The following STON2 variants were observed in gnomAD, a reference collection of about 807,000 sequenced individuals.
The protein encoded by STON2 is stonin-2.
STON2 carries 29 observed loss-of-function variants against 65.7 expected under a neutral mutation model. The observed-to-expected ratio is 0.44, with a 90% confidence interval of 0.33 to 0.60. The LOEUF (loss-of-function observed/expected upper bound fraction) is 0.60, where lower values mean the gene tolerates loss of function less well. STON2 is among the 20% of genes least tolerant of loss of function. The pLI, the probability that STON2 is intolerant of heterozygous loss-of-function variation, is 0.03. For missense variants in STON2, 1,054 were observed against 1,118.1 expected (o/e 0.94, Z 0.82); for synonymous variants, 404 against 414.2 (o/e 0.98, Z 0.30).
intron 2 of STON2, chr14:81,413,123 C>A: frequency 7.9e-7 from 1 of 1,260,212 alleles, no homozygotes; most frequent in Non-Finnish European, 1.1e-6. Flanking sequence ...GAAGTACAAT[C>A]CCACCTGACA....
At chr14:81,363,352 T>C (rs1051009980) in intron 4 of STON2, among the ~76,000 whole-genome samples, 11 of 152,198 alleles carry the variant, frequency 7.2e-5, no homozygotes, top group Non-Finnish European at 1.3e-4. Flanking sequence ...CAAAAAAAGC[T>C]GTTTGCAGAT....
intron 3 of STON2, among the ~76,000 whole-genome samples, chr14:81,377,306 T>C (rs1373105424): frequency 6.6e-6 from 1 of 152,240 alleles, no homozygotes; most frequent in African/African-American, 2.4e-5. Context: ...CTCAGCATAA[T>C]GCCTTTGAGC....
chr14:81,297,769 T>A (rs1895816730), intron 5 of STON2, among the ~76,000 whole-genome samples: 1 of 152,248 alleles, frequency 6.6e-6, no homozygotes, highest in Admixed American at 6.5e-5. Context: ...CTGGGCACAG[T>A]GGCTCACGCC....
intron 5 of STON2, among the ~76,000 whole-genome samples, chr14:81,298,810 G>C (rs1010826071): frequency 6.6e-6 from 1 of 152,148 alleles, no homozygotes; most frequent in African/African-American, 2.4e-5. Flanking sequence ...CCATATCCAA[G>C]CAAGGTGAGT....
chr14:81,360,276 T>C (rs1219057461), intron 4 of STON2, among the ~76,000 whole-genome samples: 1 of 152,104 alleles, frequency 6.6e-6, no homozygotes, highest in Non-Finnish European at 1.5e-5. Flanking sequence ...GCCAAAATCC[T>C]CAACAAAATA....
At chr14:81,435,544 CGGG>C (rs1902383488) in intron 1 of STON2, among the ~76,000 whole-genome samples, 2 of 152,098 alleles carry the variant, frequency 1.3e-5, no homozygotes, top group South Asian at 4.1e-4. Context: ...AAGGGGGAAA[CGGG>C]GAGCGTCGGG....
intron 3 of STON2, among the ~76,000 whole-genome samples, chr14:81,377,830 AT>A (rs1899324089): frequency 6.6e-6 from 1 of 151,072 alleles, no homozygotes; most frequent in Non-Finnish European, 1.5e-5. Flanking sequence ...ACATATGTTT[AT>A]TTCTTTAGCT....
At chr14:81,323,629 G>A (rs1896898852) in intron 5 of STON2, 1 of 152,060 alleles carries the variant, frequency 6.6e-6, no homozygotes, top group African/African-American at 2.4e-5. Context: ...AAGCTATCTT[G>A]ACACTTAAGC....
chr14:81,278,163 T>A lies in STON2; in HGVS notation c.1319A>T (p.Glu440Val). 1 of 1,614,202 alleles carries A rather than the reference T, an allele frequency of 6.2e-7. No individual in the cohort carries two copies. The highest frequency in any genetic ancestry group is 1.1e-5 in the South Asian group (1 of 91,082). ...SKTQSHSDAV[E>V]KLKQLQIDDP... ...ATCAATTTGGAGTTGTTTGAGTTTT[T>A]CAACAGCATCAGAGTGTGACTGGGT... Residue 440 changes from glutamate (E) to valine (V), a missense_variant, in exon 6 of 8, where the codon GAA becomes GTA. Transcript: ENST00000614646.
chr14:81,342,134 A>G lies in STON2; in HGVS notation c.572-17947T>C, dbSNP rs76944869. ...GTTCATAACAACGCAGAAAGCCATAATGGAGTTTTTTTGTTTTTTTTTTGA... is the reference window on the plus strand; with the variant it reads ...GTTCATAACAACGCAGAAAGCCATAGTGGAGTTTTTTTGTTTTTTTTTTGA... On this transcript the variant is annotated intron_variant, in intron 4 of 7. Coordinates refer to ENST00000614646, the MANE Select transcript of STON2 (RefSeq NM_001394390.1). Among the ~76,000 whole-genome samples, 5 of 152,004 alleles carry G rather than the reference A, an allele frequency of 3.3e-5. No individual in the cohort carries two copies. The East Asian group carries it at 9.7e-4, about 30-fold the overall frequency.
At position 81,267,959 on chromosome 14, in the gene STON2, T is replaced by C. The variant is rs1462893296; in HGVS notation, c.*455A>G. Reference sequence around the variant, plus strand: ...TTTTCTGAACCTTTTCTAGACAGAGTGAAAGAGATGGATTCTTAATTAACT... The same window carrying C: ...TTTTCTGAACCTTTTCTAGACAGAGCGAAAGAGATGGATTCTTAATTAACT... On this transcript the variant is annotated 3_prime_UTR_variant, in exon 8 of 8. Coordinates refer to ENST00000614646, the MANE Select transcript of STON2 (RefSeq NM_001394390.1). 2 of 986,192 alleles carry C rather than the reference T, an allele frequency of 2.0e-6. No homozygotes were observed. Among genetic ancestry groups the C allele is most frequent in the African/African-American group, 3.5e-5 (2 of 57,184 alleles). 61.1% of individuals were successfully genotyped at this position (986,192 alleles called of 1,614,324 possible).
intron 2 of STON2, among the ~76,000 whole-genome samples, chr14:81,411,230 G>A (rs979523599): frequency 6.6e-6 from 1 of 152,200 alleles, no homozygotes; most frequent in African/African-American, 2.4e-5. Flanking sequence ...CTTCTTAACA[G>A]TGAGGGATGT....
chr14:81,277,236 G>A lies in STON2; in HGVS notation c.2246C>T (p.Thr749Met), dbSNP rs201379766. 6.4e-5 allele frequency: 103 copies of A among 1,614,166 alleles called. No individual in the cohort carries two copies. The highest frequency in any genetic ancestry group is 5.1e-4 in the South Asian group (46 of 91,086). Residue 749 changes from threonine to methionine, a missense_variant, in exon 6 of 8, where the codon ACG becomes ATG. Transcript: ENST00000614646. ...AEKTLPFTLRTATSVNGAEVE... is the reference protein window; with the variant it reads ...AEKTLPFTLRMATSVNGAEVE... ...CTCTGCCCCATTGACACTTGTGGCC[G>A]TCCTGAGTGTGAAAGGCAAGGTCTT...
At position 81,261,756 on chromosome 14, in the gene STON2, G is replaced by A. The variant is rs1894153474; in HGVS notation, c.*6658C>T. 1 of 1,489,774 alleles carries A rather than the reference G, an allele frequency of 6.7e-7. No individual in the cohort carries two copies. Among genetic ancestry groups the A allele is most frequent in the Non-Finnish European group, 8.9e-7 (1 of 1,127,368 alleles). The allele number at this position is 1,489,774 out of a possible 1,614,324, so 92.3% of individuals were successfully genotyped here. A position where few individuals can be genotyped will look rare whatever the true frequency, so the allele number is the denominator to read the frequency against. On this transcript the variant is annotated 3_prime_UTR_variant, in exon 8 of 8. Coordinates refer to ENST00000614646, the MANE Select transcript of STON2 (RefSeq NM_001394390.1). ...GCACCCAAATCCTAACATCTATTTTGGAGACCTGTCTGTGCCTCTTCATGC... is the reference window on the plus strand; with the variant it reads ...GCACCCAAATCCTAACATCTATTTTAGAGACCTGTCTGTGCCTCTTCATGC...
intron 5 of STON2, among the ~76,000 whole-genome samples, chr14:81,320,651 C>T (rs898633407): frequency 2.6e-5 from 4 of 151,586 alleles, no homozygotes; most frequent in Admixed American, 2.6e-4. Flanking sequence ...GAAACTAAAG[C>T]GAAAGCAATC....
chr14:81,392,767 T>C (rs931130602), intron 3 of STON2, among the ~76,000 whole-genome samples: 1 of 152,198 alleles, frequency 6.6e-6, no homozygotes, highest in Non-Finnish European at 1.5e-5. Flanking sequence ...TCCCAATCTG[T>C]CACAGAGAAT....
In STON2 at chr14:81,398,347, C is replaced by T. The variant is rs1376866191; in HGVS notation, c.36G>A (p.Gln12=). 6.2e-7 allele frequency: 1 copy of T among 1,614,066 alleles called. No homozygotes were observed. Residue 12 remains glutamine, a synonymous_variant, in exon 2 of 8, where the codon CAG becomes CAA. Coordinates refer to ENST00000614646, the MANE Select transcript of STON2 (RefSeq NM_001394390.1). ...CTTCATTGAAGGAGACCCATTCTGA[C>T]TGGTGGGTGGCAATCACATGGTCCA... The part of the protein sequence containing the change: ...TTLDHVIATH[Q]SEWVSFNEEP...
rs1005491402 is a variant in STON2, at chr14:81,407,686, C to T, written c.-198-9106G>A. The stretch of plus-strand genomic sequence containing the variant: ...AACCCACAAGTAAGGCCTCAGTTTT[C>T]TCTTGAATAAGGACAAGCATCTAAA... On this transcript the variant is annotated intron_variant, in intron 2 of 8. Coordinates refer to the STON2 transcript ENST00000553821. 2.0e-5 allele frequency among the ~76,000 whole-genome samples: 3 copies of T among 152,172 alleles called. No homozygotes were observed. The East Asian group carries it at 5.8e-4, about 29-fold the overall frequency.
chr14:81,396,813 C>T (rs565429168), intron 2 of STON2, among the ~76,000 whole-genome samples: 7 of 152,120 alleles, frequency 4.6e-5, no homozygotes, highest in Non-Finnish European at 1.0e-4. Context: ...AATCCCAACA[C>T]TTTGGGAGGC....
Sources: allele counts gnomAD v4.1 joint callset (sites outside exome capture counted in the v4.1 genomes callset), GRCh38; gene constraint gnomAD v4.1.1; transcripts MANE v1.5; gene names NCBI Gene and HGNC (gene_info 2026-07-23, HGNC 2026-07-21).